The following VTI1A variants were observed in gnomAD, a reference collection of about 807,000 sequenced individuals.
VTI1A encodes the protein vesicle transport through interaction with t-SNAREs 1A.
A neutral mutation model predicts 34.9 loss-of-function variants in VTI1A; 22 were observed. That is an observed-to-expected ratio of 0.63 (90% CI 0.45 to 0.90). The LOEUF (loss-of-function observed/expected upper bound fraction) is 0.90, where lower values mean the gene tolerates loss of function less well. VTI1A is among the 40% of genes least tolerant of loss of function. The probability of loss-of-function intolerance (pLI) is 0.00; values close to 1 mark genes in which losing one functional copy is unlikely to be tolerated. For missense variants in VTI1A, 268 were observed against 275.6 expected, an observed-to-expected ratio of 0.97 and a Z score of 0.20; for synonymous variants, 87 against 97.3, an observed-to-expected ratio of 0.89 and a Z score of 0.62.
chr10:112,825,868 G>A, the VTI1A span: 1 of 152,162 alleles, frequency 6.6e-6, no homozygotes, highest in African/African-American at 2.4e-5. Context: ...CCACATGCAT[G>A]TTCAATATTC....
rs1846877178 is a variant in VTI1A, at chr10:112,447,311, C to G, written c.-63C>G. 6.5e-6 allele frequency: 10 copies of G among 1,547,788 alleles called. No homozygotes were observed. The highest frequency in any genetic ancestry group is 7.0e-6 in the Non-Finnish European group (8 of 1,140,136). ...GGTTCCTAAGCCGCGGGGCCCCTCG[C>G]TGCCCCTCGAGGCCCTTTCCCTGAC... is the stretch of plus-strand genomic sequence containing the variant. On this transcript the variant is annotated 5_prime_UTR_variant, in exon 1 of 8. Coordinates refer to ENST00000393077, the MANE Select transcript of VTI1A (RefSeq NM_145206.4).
intron 7 of VTI1A, among the ~76,000 whole-genome samples, chr10:112,717,857 C>A (rs1265948526): frequency 1.3e-5 from 2 of 152,154 alleles, no homozygotes; most frequent in African/African-American, 4.8e-5. Context: ...TTGTTGCAAC[C>A]AGTTTTGGAA....
chr10:112,479,600 A>T (rs930309948), intron 3 of VTI1A, among the ~76,000 whole-genome samples: 1 of 152,156 alleles, frequency 6.6e-6, no homozygotes, highest in Non-Finnish European at 1.5e-5. Context: ...GCACCAAGAG[A>T]TTACTTAAGA....
chr10:112,465,852 GT>G (rs1350051480), intron 3 of VTI1A, among the ~76,000 whole-genome samples: 3 of 151,796 alleles, frequency 2.0e-5, no homozygotes, highest in African/African-American at 7.3e-5. Flanking sequence ...GGTTAAAATG[GT>G]AAATTTTATA....
chr10:112,621,401 G>A (rs915950006), intron 5 of VTI1A, among the ~76,000 whole-genome samples: 4 of 152,094 alleles, frequency 2.6e-5, no homozygotes, highest in African/African-American at 9.7e-5. Context: ...CAAGATGGGG[G>A]GAAATGTTGG....
chr10:112,783,703 G>A (rs1852202189), intron 7 of VTI1A, among the ~76,000 whole-genome samples: 1 of 152,220 alleles, frequency 6.6e-6, no homozygotes, highest in Non-Finnish European at 1.5e-5. Flanking sequence ...GACATAATTT[G>A]ATGGATTACT....
intron 5 of VTI1A, among the ~76,000 whole-genome samples, chr10:112,556,406 C>G (rs2134315622): frequency 6.6e-6 from 1 of 152,044 alleles, no homozygotes; most frequent in East Asian, 1.9e-4. Flanking sequence ...TATTTCAACT[C>G]TAAAAACCTC....
intron 7 of VTI1A, among the ~76,000 whole-genome samples, chr10:112,692,044 G>A (rs981314284): frequency 2.0e-5 from 3 of 152,200 alleles, no homozygotes; most frequent in African/African-American, 7.2e-5. Flanking sequence ...GATAAAGATA[G>A]CTGCCACACA....
At chr10:112,608,436 T>C (rs1169593618) in intron 5 of VTI1A, among the ~76,000 whole-genome samples, 1 of 152,188 alleles carries the variant, frequency 6.6e-6, no homozygotes, top group Non-Finnish European at 1.5e-5. Context: ...ACAAAGCCTA[T>C]GGGCCACTTG....
chr10:112,547,444 GT>G (rs759885090), intron 5 of VTI1A, among the ~76,000 whole-genome samples: 21 of 152,186 alleles, frequency 1.4e-4, no homozygotes, highest in Middle Eastern at 3.4e-3. Flanking sequence ...GGGCGTGGTG[GT>G]TACATGCATG....
At chr10:112,797,195 G>A (rs780627626) in intron 7 of VTI1A, among the ~76,000 whole-genome samples, 11 of 152,058 alleles carry the variant, frequency 7.2e-5, no homozygotes, top group Non-Finnish European at 1.5e-4. Flanking sequence ...ATTTTTATCT[G>A]TCTCCGAGTA....
chr10:112,488,543 A>G (rs988236602), intron 3 of VTI1A, among the ~76,000 whole-genome samples: 8 of 152,342 alleles, frequency 5.3e-5, no homozygotes, highest in African/African-American at 1.9e-4. Context: ...TGAGCTGATC[A>G]GTGGCTTGAG....
In VTI1A at chr10:112,734,767, C is replaced by T. The variant is rs566428956; in HGVS notation, c.560+65769C>T. Reference sequence around the variant, plus strand: ...TCCCAGGTTCAAGACATTCTCGTGCCTCAGCCTCCCGAATAGCTGGGATTA... The same window carrying T: ...TCCCAGGTTCAAGACATTCTCGTGCTTCAGCCTCCCGAATAGCTGGGATTA... On this transcript the variant is annotated intron_variant, in intron 7 of 7. Coordinates refer to ENST00000393077, the MANE Select transcript of VTI1A (RefSeq NM_145206.4). Among the ~76,000 whole-genome samples, 16 of 151,916 alleles carry T rather than the reference C, an allele frequency of 1.1e-4. No individual in the cohort carries two copies. The South Asian group carries it at 1.3e-3, about 12-fold the overall frequency.
intron 7 of VTI1A, among the ~76,000 whole-genome samples, chr10:112,671,067 C>A (rs577847508): frequency 6.6e-6 from 1 of 152,330 alleles, no homozygotes; most frequent in South Asian, 2.1e-4. Flanking sequence ...TGAAAAGGCA[C>A]AAACATTTTG....
At chr10:112,773,796 G>C (rs1851880325) in intron 7 of VTI1A, among the ~76,000 whole-genome samples, 1 of 152,202 alleles carries the variant, frequency 6.6e-6, no homozygotes. Flanking sequence ...GTGCCTTTGG[G>C]TTAAGGCATA....
At chr10:112,595,226 A>AT (rs1391300678) in intron 5 of VTI1A, among the ~76,000 whole-genome samples, 2 of 142,294 alleles carry the variant, frequency 1.4e-5, no homozygotes, top group African/African-American at 2.7e-5. Flanking sequence ...AAACCTAGGC[A>AT]TTACCATTCA....
chr10:112,729,877 T>C (rs1850186890), intron 7 of VTI1A, among the ~76,000 whole-genome samples: 1 of 152,248 alleles, frequency 6.6e-6, no homozygotes, highest in African/African-American at 2.4e-5. Flanking sequence ...GTGTCATGTC[T>C]TGTGATCAGG....
chr10:112,804,126 G>A (rs1209412681), intron 7 of VTI1A, among the ~76,000 whole-genome samples: 3 of 152,224 alleles, frequency 2.0e-5, no homozygotes, highest in Admixed American at 2.0e-4. Flanking sequence ...GGCTCTGACA[G>A]GTACTTGTTG....
chr10:112,813,614 G>A (rs980471657), intron 7 of VTI1A, among the ~76,000 whole-genome samples: 20 of 152,336 alleles, frequency 1.3e-4, no homozygotes, highest in African/African-American at 4.8e-4. Context: ...CCACCAAGTA[G>A]CACCGATCAG....
Sources: allele counts gnomAD v4.1 joint callset (sites outside exome capture counted in the v4.1 genomes callset), GRCh38; gene constraint gnomAD v4.1.1; transcripts MANE v1.5; gene names NCBI Gene and HGNC (gene_info 2026-07-23, HGNC 2026-07-21).